The following SETD2 variants were observed in gnomAD, a reference collection of about 807,000 sequenced individuals.
SETD2 encodes SET domain containing 2, histone lysine methyltransferase.
A neutral mutation model predicts 242.1 loss-of-function variants in SETD2; 31 were observed. The observed-to-expected ratio is 0.13, with a 90% CI of 0.10 to 0.17. SETD2 has a LOEUF of 0.17. SETD2 is among the 10% of genes least tolerant of loss of function. SETD2 has a pLI of 1.00. For synonymous variants in SETD2, 1,006 were observed against 1,066.5 expected, an observed-to-expected ratio of 0.94 and a Z score of 1.11; for missense variants, 2,481 against 3,046.3, an observed-to-expected ratio of 0.81 and a Z score of 4.37.
Position 47,050,393 on chromosome 3 carries a change from C to T in SETD2, c.6964-3772G>A, listed in dbSNP as rs561902055. ...ATTTTTCACCTCCATAATAATCTTA[C>T]GAGGATCACTGTCATAAATGCCATC... is the stretch of plus-strand genomic sequence containing the variant. On this transcript the variant is annotated intron_variant, in intron 15 of 20. Transcript: ENST00000409792. Among the ~76,000 whole-genome samples the T allele has an allele frequency of 7.2e-5, 11 of 152,250 alleles. No homozygotes were observed. In the South Asian group the frequency reaches 1.4e-3, roughly 20 times the overall value.
chr3:47,164,054 C>G lies in SETD2; in HGVS notation c.-130G>C. On this transcript the variant is annotated 5_prime_UTR_variant, in exon 1 of 21. Coordinates refer to ENST00000409792, the MANE Select transcript of SETD2 (RefSeq NM_014159.7). This position sits in a 1 kb window ranked among gnomAD's most constrained non-coding sequence, Gnocchi z 5.4. ...CGGCGGCGGCGGCGGCAGGGGCGGCCCGCGTCGCTACCTCGCTCGTCGCTC... is the reference window on the plus strand; with the variant it reads ...CGGCGGCGGCGGCGGCAGGGGCGGCGCGCGTCGCTACCTCGCTCGTCGCTC... 1 of 1,210,938 alleles carries G rather than the reference C, an allele frequency of 8.3e-7. No homozygotes were observed. Among genetic ancestry groups the G allele is most frequent in the African/African-American group, 1.6e-5 (1 of 63,306 alleles). 75.0% of individuals were successfully genotyped at this position (1,210,938 alleles called of 1,614,324 possible).
chr3:47,116,439 C>T lies in SETD2; in HGVS notation c.4586+184G>A, dbSNP rs181359346. On this transcript the variant is annotated intron_variant, in intron 4 of 20. Transcript: ENST00000409792. ...GGGTACTGTAATCTAATGCACAATG[C>T]AAGGGATATTTGTTTCCCTATTAAT... Among the ~76,000 whole-genome samples, 55 of 152,252 alleles carry T rather than the reference C, an allele frequency of 3.6e-4. No homozygotes were observed. The South Asian group carries it at 5.2e-3, about 14-fold the overall frequency.
intron 9 of SETD2, among the ~76,000 whole-genome samples, chr3:47,094,022 C>T (rs1276636712): frequency 6.6e-6 from 1 of 152,254 alleles, no homozygotes; most frequent in African/African-American, 2.4e-5. Context: ...ACTAGTTACA[C>T]TCATTATGCA....
chr3:47,025,966 A>G (rs2038457123), intron 18 of SETD2, among the ~76,000 whole-genome samples: 1 of 152,232 alleles, frequency 6.6e-6, no homozygotes, highest in Non-Finnish European at 1.5e-5. Context: ...GGATCTAATT[A>G]AACTAAAGAG....
At chr3:47,087,430 G>A (rs1328828758) in intron 10 of SETD2, among the ~76,000 whole-genome samples, 1 of 152,090 alleles carries the variant, frequency 6.6e-6, no homozygotes, top group Non-Finnish European at 1.5e-5. Context: ...TCTCTCGCAT[G>A]TGCAGTTCAC....
At chr3:47,073,703 G>C (rs1474117038) in intron 12 of SETD2, among the ~76,000 whole-genome samples, 2 of 152,132 alleles carry the variant, frequency 1.3e-5, no homozygotes, top group African/African-American at 4.8e-5. Context: ...TGAAGAATAT[G>C]AACAAAGTTC....
chr3:47,095,385 C>G (rs2041968116), intron 9 of SETD2, among the ~76,000 whole-genome samples: 1 of 152,202 alleles, frequency 6.6e-6, no homozygotes. Flanking sequence ...CTGCCTGCCT[C>G]AGCCTCCCAA....
chr3:47,109,394 C>T (rs556014510), intron 5 of SETD2, among the ~76,000 whole-genome samples: 1 of 152,076 alleles, frequency 6.6e-6, no homozygotes, highest in Non-Finnish European at 1.5e-5. Flanking sequence ...GCCTGTAATA[C>T]CAGAACTTTG....
chr3:47,163,243 G>A (rs924069689), intron 1 of SETD2, among the ~76,000 whole-genome samples: 5 of 152,244 alleles, frequency 3.3e-5, no homozygotes, highest in African/African-American at 1.2e-4. Flanking sequence ...GAATCCGGAA[G>A]CACTGCAAGG....
At chr3:47,049,331 A>C (rs1356019300) in intron 15 of SETD2, among the ~76,000 whole-genome samples, 4 of 20,766 alleles carry the variant, frequency 1.9e-4, no homozygotes, top group African/African-American at 1.2e-3. Flanking sequence ...ATATATATAT[A>C]TATATATATA....
At chr3:47,133,832 A>C (rs1459756465) in intron 1 of SETD2, among the ~76,000 whole-genome samples, 1 of 152,182 alleles carries the variant, frequency 6.6e-6, no homozygotes, top group Non-Finnish European at 1.5e-5. Context: ...GCACTGATAA[A>C]AATAAGCTAC....
At chr3:47,024,892 C>T (rs891159923) in intron 18 of SETD2, among the ~76,000 whole-genome samples, 1 of 152,190 alleles carries the variant, frequency 6.6e-6, no homozygotes, top group Non-Finnish European at 1.5e-5. Context: ...CCACCACTTA[C>T]ACTTATCTTG....
chr3:47,119,007 G>C (rs1251233096), intron 3 of SETD2, among the ~76,000 whole-genome samples: 1 of 152,074 alleles, frequency 6.6e-6, no homozygotes, highest in East Asian at 1.9e-4. Context: ...AAAAATTTCT[G>C]GTAGGACCTA....
rs527470057 is a variant in SETD2, at chr3:47,055,418, A to ACTG, written c.6963+1400_6963+1402dup. ...ATTTTTTTTTCAAAGCTTTAAATGT[A>ACTG]CTGCTGGCCAGGCACAGTGGCTCAC... On this transcript the variant is annotated intron_variant, in intron 15 of 20. Coordinates refer to ENST00000409792, the MANE Select transcript of SETD2 (RefSeq NM_014159.7). 4.7e-4 allele frequency among the ~76,000 whole-genome samples: 71 copies of ACTG among 152,238 alleles called. 1 individual carries two copies. The South Asian group carries it at 0.014, about 30-fold the overall frequency.
intron 4 of SETD2, among the ~76,000 whole-genome samples, chr3:47,114,367 C>T (rs908875109): frequency 6.6e-6 from 1 of 152,194 alleles, no homozygotes; most frequent in Non-Finnish European, 1.5e-5. Flanking sequence ...CTTCCTTCTA[C>T]TCTAATCACT....
intron 5 of SETD2, among the ~76,000 whole-genome samples, chr3:47,110,593 A>G (rs2107709573): frequency 6.6e-6 from 1 of 152,302 alleles, no homozygotes; most frequent in South Asian, 2.1e-4. Flanking sequence ...CTAGTAACTT[A>G]GCTCCAAATA....
chr3:47,101,349 TAA>T, intron 8 of SETD2, 107 bp downstream of exon 8: 2 of 653,462 alleles, frequency 3.1e-6, no homozygotes, highest in Non-Finnish European at 5.4e-6. Flanking sequence ...AGATAAGAGT[TAA>T]GAGTAAATAT....
chr3:47,145,672 G>T (rs2106806255), intron 1 of SETD2, among the ~76,000 whole-genome samples: 1 of 152,166 alleles, frequency 6.6e-6, no homozygotes, highest in Non-Finnish European at 1.5e-5. Context: ...TCACATTTTT[G>T]GATTCAGCTG....
chr3:47,035,649 G>C (rs1559649772), intron 18 of SETD2, among the ~76,000 whole-genome samples: 2 of 152,180 alleles, frequency 1.3e-5, no homozygotes, highest in East Asian at 1.9e-4. Context: ...CCAAAAGACT[G>C]AATCAAGATT....
Sources: gnomAD v4.1 joint callset for allele counts (sites outside exome capture counted in the v4.1 genomes callset) on GRCh38, gnomAD v4.1.1 for gene constraint, Gnocchi (gnomAD v3.1) non-coding constraint, MANE v1.5 for transcripts, NCBI Gene and HGNC (gene_info 2026-07-23, HGNC 2026-07-21) for gene names.